AFF3: variants seen among roughly 807,000 people sequenced by gnomAD.
The protein encoded by AFF3 is ALF transcription elongation factor 3.
A neutral mutation model predicts 129.7 loss-of-function variants in AFF3; 32 were observed. The ratio of observed to expected loss-of-function variants is 0.25; its 90% CI spans 0.19 to 0.33. The LOEUF is 0.33. Among genes scored for constraint, AFF3 ranks in the 10% least tolerant of loss-of-function variants. The pLI is 1.00. For synonymous variants in AFF3, 644 were observed against 635.4 expected, an observed-to-expected ratio of 1.01 and a Z score of -0.20; for missense variants, 1,373 against 1,592.0, an observed-to-expected ratio of 0.86 and a Z score of 2.34.
Position 100,092,609 on chromosome 2 carries a change from CTGCCATTCCCAACCTGAA to C in AFF3, c.53+11775_53+11792del, listed in dbSNP as rs1689953318. 2.6e-5 allele frequency among the ~76,000 whole-genome samples: 4 copies of C among 152,366 alleles called. No individual in the cohort carries two copies. In the South Asian group the frequency reaches 8.3e-4, roughly 32 times the overall value. Reference sequence around the variant, plus strand: ...CAGCTCCACTGCCCAACCTCCCATCCTGCCATTCCCAACCTGAATGCCAGGGACCTGAAACTGACCTGC... The same window carrying C: ...CAGCTCCACTGCCCAACCTCCCATCCTGCCAGGGACCTGAAACTGACCTGC... On this transcript the variant is annotated intron_variant, in intron 4 of 24. Coordinates refer to ENST00000672756, the MANE Select transcript of AFF3 (RefSeq NM_001386135.1).
At chr2:99,693,722 G>A (rs934133398) in intron 11 of AFF3, among the ~76,000 whole-genome samples, 2 of 151,980 alleles carry the variant, frequency 1.3e-5, no homozygotes, top group Non-Finnish European at 2.9e-5. Flanking sequence ...AAAAAATAAT[G>A]TCATTAAAAT....
At chr2:99,923,676 T>C (rs1427001679) in intron 7 of AFF3, among the ~76,000 whole-genome samples, 1 of 152,092 alleles carries the variant, frequency 6.6e-6, no homozygotes, top group Admixed American at 6.5e-5. Flanking sequence ...TCTTTTCCAA[T>C]AAAAATTCAA....
At chr2:99,999,767 C>G (rs1324237497) in intron 7 of AFF3, among the ~76,000 whole-genome samples, 2 of 152,300 alleles carry the variant, frequency 1.3e-5, no homozygotes, top group East Asian at 3.9e-4. Flanking sequence ...ATGATTCTGT[C>G]ACAGATGAGG....
At chr2:100,024,218 C>T (rs1209310873) in intron 4 of AFF3, among the ~76,000 whole-genome samples, 1 of 89,770 alleles carries the variant, frequency 1.1e-5, no homozygotes, top group Non-Finnish European at 2.0e-5. Flanking sequence ...GGCGACAGAG[C>T]AAGACTCCGT....
chr2:99,817,130 T>C (rs1015283532), intron 8 of AFF3, among the ~76,000 whole-genome samples: 8 of 152,194 alleles, frequency 5.3e-5, no homozygotes, highest in African/African-American at 1.9e-4. Context: ...GGTTCTGCAG[T>C]GGCTGCTGTT....
chr2:99,768,980 T>C (rs1272691908), intron 8 of AFF3, among the ~76,000 whole-genome samples: 1 of 152,212 alleles, frequency 6.6e-6, no homozygotes, highest in South Asian at 2.1e-4. Context: ...GGTAGCCTTC[T>C]TTGGGTTAAA....
intron 11 of AFF3, among the ~76,000 whole-genome samples, chr2:99,719,151 T>G (rs1381545521): frequency 6.8e-6 from 1 of 148,084 alleles, no homozygotes; most frequent in East Asian, 2.1e-4. Flanking sequence ...TTTTAAATCA[T>G]GAATGGATGC....
chr2:99,608,508 C>T (rs891046645), intron 13 of AFF3, among the ~76,000 whole-genome samples: 9 of 152,166 alleles, frequency 5.9e-5, no homozygotes, highest in East Asian at 1.9e-4. Flanking sequence ...CATTTACATA[C>T]GTATCAGGTT....
intron 13 of AFF3, among the ~76,000 whole-genome samples, chr2:99,606,965 GA>G (rs1680428854): frequency 1.4e-5 from 2 of 144,308 alleles, no homozygotes; most frequent in African/African-American, 5.1e-5. Flanking sequence ...CTTTAAGACA[GA>G]CTTCTTCCCT....
intron 9 of AFF3, among the ~76,000 whole-genome samples, chr2:99,746,561 G>A (rs1045631131): frequency 6.6e-6 from 1 of 152,120 alleles, no homozygotes; most frequent in African/African-American, 2.4e-5. Flanking sequence ...TTCAACTGAA[G>A]AAAAAGAACA....
intron 18 of AFF3, among the ~76,000 whole-genome samples, chr2:99,576,349 A>C (rs1014207132): frequency 5.9e-5 from 6 of 102,238 alleles, no homozygotes; most frequent in South Asian, 2.5e-4. Flanking sequence ...CTTTTTCTAC[A>C]AAAAAAAAAA....
At chr2:100,088,986 TAGAA>T (rs145834569) in intron 4 of AFF3, among the ~76,000 whole-genome samples, 22,466 of 152,104 alleles carry the variant, frequency 0.15, 1,970 homozygotes, top group African/African-American at 0.21. Context: ...CAAACACAAA[TAGAA>T]AGAAGCATTG....
chr2:99,578,883 C>A (rs1197448331), intron 17 of AFF3, among the ~76,000 whole-genome samples: 1 of 152,218 alleles, frequency 6.6e-6, no homozygotes, highest in Admixed American at 6.5e-5. Context: ...CCAGGCCCCA[C>A]CCTGAGAGTC....
intron 4 of AFF3, among the ~76,000 whole-genome samples, chr2:100,048,771 GA>G (rs1686042592): frequency 6.6e-6 from 1 of 152,142 alleles, no homozygotes; most frequent in Non-Finnish European, 1.5e-5. Flanking sequence ...GCAAAATGTA[GA>G]AATGTATGAG....
chr2:99,743,873 T>C (rs1680923188), intron 10 of AFF3, among the ~76,000 whole-genome samples: 1 of 152,234 alleles, frequency 6.6e-6, no homozygotes, highest in South Asian at 2.1e-4. Flanking sequence ...GGGATGGCTT[T>C]GAAATTCACC....
intron 11 of AFF3, among the ~76,000 whole-genome samples, chr2:99,698,784 T>A (rs1180097487): frequency 6.6e-6 from 1 of 152,226 alleles, no homozygotes; most frequent in Non-Finnish European, 1.5e-5. Context: ...TATTTTTAAC[T>A]AGGTGGTAAC....
intron 8 of AFF3, among the ~76,000 whole-genome samples, chr2:99,779,935 T>A (rs1220419240): frequency 1.3e-5 from 2 of 152,032 alleles, no homozygotes; most frequent in Non-Finnish European, 2.9e-5. Flanking sequence ...ACGGAGAGAG[T>A]GTTACAGTTA....
At chr2:100,107,576 C>CT in intron 2 of AFF3, 1 of 909,318 alleles carries the variant, frequency 1.1e-6, no homozygotes. Flanking sequence ...TTTCTCCCCA[C>CT]ATGGATGCAA....
chr2:99,923,281 G>C (rs550070425), intron 7 of AFF3, among the ~76,000 whole-genome samples: 1 of 152,300 alleles, frequency 6.6e-6, no homozygotes, highest in South Asian at 2.1e-4. Context: ...GCTCCTTAGA[G>C]AGCTACAAGA....
Sources: allele counts gnomAD v4.1 joint callset (sites outside exome capture counted in the v4.1 genomes callset), GRCh38; gene constraint gnomAD v4.1.1; transcripts MANE v1.5; gene names NCBI Gene and HGNC (gene_info 2026-07-23, HGNC 2026-07-21).